ANGPT2: variants seen among roughly 807,000 people sequenced by gnomAD.
ANGPT2 encodes angiopoietin-2.
ANGPT2 carries 28 observed loss-of-function variants against 62.9 expected under a neutral mutation model. That is an observed-to-expected ratio of 0.44 (90% CI 0.33 to 0.61). The LOEUF (loss-of-function observed/expected upper bound fraction) is 0.61. ANGPT2 is among the 20% of genes least tolerant of loss of function. The probability of loss-of-function intolerance (pLI) is 0.03; values close to 1 mark genes in which losing one functional copy is unlikely to be tolerated. For missense variants in ANGPT2, 727 were observed against 594.9 expected (o/e 1.22, Z -2.31); for synonymous variants, 284 against 207.8 (o/e 1.37, Z -3.15).
At chr8:6,554,256 A>T (rs1029675567) in intron 1 of ANGPT2, among the ~76,000 whole-genome samples, 2 of 151,408 alleles carry the variant, frequency 1.3e-5, no homozygotes, top group Non-Finnish European at 2.9e-5. Flanking sequence ...TCTGGACTAA[A>T]TGTGACAAAA....
rs1230343701 is a variant in ANGPT2 at position 6,554,368 on chromosome 8, GC to G, written c.288+8278del. Among the ~76,000 whole-genome samples, 4 of 151,420 alleles carry G rather than the reference GC, an allele frequency of 2.6e-5. No homozygotes were observed. In the South Asian group the frequency reaches 6.3e-4, roughly 24 times the overall value. On this transcript the variant is annotated intron_variant, in intron 1 of 8. Coordinates refer to ENST00000629816, the MANE Select transcript of ANGPT2 (RefSeq NM_001118887.2). Reference sequence around the variant, plus strand: ...CTTTTAAGACTTTGTTCACGTTCTCGCCCCCAAAAGCCAATTATGATTATAA... The same window carrying G: ...CTTTTAAGACTTTGTTCACGTTCTCGCCCCAAAAGCCAATTATGATTATAA...
In ANGPT2 at chr8:6,501,336, A is replaced by T. The variant is rs1812135786; in HGVS notation, c.*1765T>A. On this transcript the variant is annotated 3_prime_UTR_variant, in exon 9 of 9. Transcript: ENST00000629816. Reference sequence around the variant, plus strand: ...GTAGAACACTGTAAGGTGAAGACAGACATATAGTAGATGCTAGTTACAGAC... The same window carrying T: ...GTAGAACACTGTAAGGTGAAGACAGTCATATAGTAGATGCTAGTTACAGAC... 6.6e-6 allele frequency: 1 copy of T among 152,224 alleles called. No individual in the cohort carries two copies. The highest frequency in any genetic ancestry group is 1.5e-5 in the Non-Finnish European group (1 of 68,032). 9.4% of individuals were successfully genotyped at this position (152,224 alleles called of 1,614,324 possible).
chr8:6,515,376 G>A (rs1816050789), intron 5 of ANGPT2, among the ~76,000 whole-genome samples: 1 of 152,204 alleles, frequency 6.6e-6, no homozygotes, highest in South Asian at 2.1e-4. Flanking sequence ...TGAGGCTCCA[G>A]TGTCCTGGTG....
chr8:6,541,972 C>T (rs1461380890), intron 1 of ANGPT2, among the ~76,000 whole-genome samples: 1 of 148,144 alleles, frequency 6.8e-6, no homozygotes, highest in African/African-American at 2.5e-5. Flanking sequence ...CGTGCCACTG[C>T]ACTCCAGCCT....
At position 6,513,417 on chromosome 8, in the gene ANGPT2, C is replaced by A. The variant is rs538465357; in HGVS notation, c.1196+261G>T. Among the ~76,000 whole-genome samples the A allele has an allele frequency of 4.0e-5, 6 of 151,424 alleles. No individual in the cohort carries two copies. In the South Asian group the frequency reaches 1.3e-3, roughly 32 times the overall value. On this transcript the variant is annotated intron_variant, in intron 7 of 8. Transcript: ENST00000629816. ...GCACGATCTCGGCTCACTGCAAGCT[C>A]CGCCTCCCGGGTTCACGCCATTCTT...
chr8:6,560,508 A>T (rs895036307), intron 1 of ANGPT2, among the ~76,000 whole-genome samples: 2 of 152,226 alleles, frequency 1.3e-5, no homozygotes, highest in Non-Finnish European at 2.9e-5. Flanking sequence ...CCCAAGCCAG[A>T]AGCCGTAAAC....
intron 1 of ANGPT2, among the ~76,000 whole-genome samples, chr8:6,555,989 G>C (rs548735227): frequency 6.6e-6 from 1 of 152,082 alleles, no homozygotes; most frequent in Admixed American, 6.6e-5. Flanking sequence ...CTCAGCAATC[G>C]GAATCTGTCA....
intron 1 of ANGPT2, among the ~76,000 whole-genome samples, chr8:6,547,277 A>T (rs1399886812): frequency 6.6e-6 from 1 of 152,132 alleles, no homozygotes; most frequent in East Asian, 1.9e-4. Flanking sequence ...GTGATTCTCC[A>T]AATGCTTGTG....
intron 7 of ANGPT2, among the ~76,000 whole-genome samples, chr8:6,511,340 G>T (rs1815050280): frequency 6.6e-6 from 1 of 151,906 alleles, no homozygotes; most frequent in Non-Finnish European, 1.5e-5. Context: ...TTATATAACA[G>T]TGGAGTAAAG....
chr8:6,551,146 G>A (rs913618540), intron 1 of ANGPT2, among the ~76,000 whole-genome samples: 1 of 152,214 alleles, frequency 6.6e-6, no homozygotes, highest in Non-Finnish European at 1.5e-5. Flanking sequence ...CTGTGCTGAT[G>A]CTGACTTAGG....
intron 1 of ANGPT2, among the ~76,000 whole-genome samples, chr8:6,560,749 C>A (rs554695557): frequency 1.3e-5 from 2 of 152,276 alleles, no homozygotes; most frequent in African/African-American, 4.8e-5. Context: ...AACTCGTTGT[C>A]TTTTTCTGTC....
chr8:6,529,678 T>C (rs1819079582), intron 2 of ANGPT2, among the ~76,000 whole-genome samples: 1 of 148,850 alleles, frequency 6.7e-6, no homozygotes, highest in Non-Finnish European at 1.5e-5. Flanking sequence ...TTGCTCAAGC[T>C]GGTCTCGGAC....
Position 6,521,241 on chromosome 8 carries a change from T to C in ANGPT2, c.736A>G (p.Lys246Glu). 1.2e-6 allele frequency: 2 copies of C among 1,613,966 alleles called. No homozygotes were observed. Among genetic ancestry groups the C allele is most frequent in the South Asian group, 2.2e-5 (2 of 91,080 alleles). ...GTCTCCATGAGATCATGTTGCTGCT[T>C]CTGAAGAACTGAATTATTCACCGTG... ...TATVNNSVLQ[K>E]QQHDLMETVN... The change falls in exon 4 of 9, where the codon AAG (lysine) becomes GAG (glutamate). Residue 246 changes from lysine to glutamate, a missense_variant. Lys to Glu is a moderately conservative substitution (Grantham distance 56, BLOSUM62 1). Transcript: ENST00000629816.
rs150581009 is a variant in ANGPT2 at position 6,558,662 on chromosome 8, A to G, written c.288+3985T>C. Among the ~76,000 whole-genome samples the G allele has an allele frequency of 3.6e-3, 545 of 152,330 alleles. 5 individuals are homozygous for G. The highest frequency in any genetic ancestry group is 0.012 in the African/African-American group (514 of 41,574). The stretch of plus-strand genomic sequence containing the variant: ...ACTATATGGATTATCTAGTGTCTCA[A>G]TAGAAGGTAAGGTTATGGAAATCCA... On this transcript the variant is annotated intron_variant, in intron 1 of 8. Transcript: ENST00000629816.
chr8:6,499,867 G>T lies in ANGPT2; in HGVS notation c.*3234C>A, dbSNP rs1811812165. 1 of 1,613,170 alleles carries T rather than the reference G, an allele frequency of 6.2e-7. No homozygotes were observed. Among genetic ancestry groups the T allele is most frequent in the Non-Finnish European group, 8.5e-7 (1 of 1,179,988 alleles). ...TCACTTGCAGGTGCTATGGTCTTTA[G>T]AATTGGGTCACTGGATTTCTGAGGA... is the stretch of plus-strand genomic sequence containing the variant. On this transcript the variant is annotated 3_prime_UTR_variant, in exon 9 of 9. Coordinates refer to ENST00000629816, the MANE Select transcript of ANGPT2 (RefSeq NM_001118887.2).
Position 6,538,301 on chromosome 8 carries a change from C to T in ANGPT2, c.289-5814G>A, listed in dbSNP as rs1397212454. ...ACACACACATACACGTTTTCTACCC[C>T]CCATGATCCCATCTTCCCGCCCAGG... On this transcript the variant is annotated intron_variant, in intron 1 of 8. Coordinates refer to ENST00000629816, the MANE Select transcript of ANGPT2 (RefSeq NM_001118887.2). Among the ~76,000 whole-genome samples the T allele has an allele frequency of 2.6e-5, 4 of 152,292 alleles. 1 individual carries two copies. Among genetic ancestry groups the T allele is most frequent in the Admixed American group, 1.3e-4 (2 of 15,300 alleles).
In ANGPT2 at chr8:6,502,451, T is replaced by C. The variant is rs1055309335; in HGVS notation, c.*650A>G. ...TTCTACCATATAAATTTGAAATACG[T>C]ATTTGAGCATTAACTTATAACTAAG... On this transcript the variant is annotated 3_prime_UTR_variant, in exon 9 of 9. Coordinates refer to ENST00000629816, the MANE Select transcript of ANGPT2 (RefSeq NM_001118887.2). The C allele has an allele frequency of 6.6e-6, 1 of 152,232 alleles. No homozygotes were observed. The highest frequency in any genetic ancestry group is 1.5e-5 in the Non-Finnish European group (1 of 68,040). 9.4% of individuals were successfully genotyped at this position (152,232 alleles called of 1,614,324 possible).
At chr8:6,506,573 A>G (rs573243175) in intron 8 of ANGPT2, among the ~76,000 whole-genome samples, 1 of 152,208 alleles carries the variant, frequency 6.6e-6, no homozygotes, top group African/African-American at 2.4e-5. Flanking sequence ...GACAGGAAAC[A>G]AAGTCCTAGG....
chr8:6,516,117 T>C (rs1816221886), intron 5 of ANGPT2, among the ~76,000 whole-genome samples: 1 of 152,194 alleles, frequency 6.6e-6, no homozygotes, highest in African/African-American at 2.4e-5. Context: ...ATAGGTGCCA[T>C]TAATGAAAGT....
Sources: allele counts gnomAD v4.1 joint callset (sites outside exome capture counted in the v4.1 genomes callset), GRCh38; gene constraint gnomAD v4.1.1; transcripts MANE v1.5; gene names NCBI Gene and HGNC (gene_info 2026-07-23, HGNC 2026-07-21).